The following IL1RAPL2 variants were observed in gnomAD, a reference collection of about 807,000 sequenced individuals.
IL1RAPL2 encodes interleukin 1 receptor accessory protein like 2.
Under a neutral mutation model 44.1 loss-of-function variants are expected in IL1RAPL2, and 3 were observed. The ratio of observed to expected loss-of-function variants is 0.07; its 90% CI spans 0.03 to 0.18. The LOEUF is 0.18. IL1RAPL2 is among the 10% of genes least tolerant of loss of function. The probability of loss-of-function intolerance (pLI) is 1.00; values close to 1 mark genes in which losing one functional copy is unlikely to be tolerated. For missense variants in IL1RAPL2, 391 were observed against 496.4 expected (o/e 0.79, Z 2.02); for synonymous variants, 181 against 178.8 (o/e 1.01, Z -0.10).
intron 1 of IL1RAPL2, among the ~76,000 whole-genome samples, chrX:104,621,248 A>G (rs192361920): frequency 9.3e-6 from 1 of 107,370 alleles, no homozygotes; most frequent in Non-Finnish European, 1.9e-5. Flanking sequence ...AGTTATATAT[A>G]TATATAATAT....
intron 4 of IL1RAPL2, among the ~76,000 whole-genome samples, chrX:105,234,757 G>A (rs1450131113): frequency 2.8e-5 from 3 of 106,770 alleles, no homozygotes; most frequent in Admixed American, 1.0e-4. Flanking sequence ...GCAGTGAGCC[G>A]AGATCATGTC....
chrX:105,678,059 A>C (rs2037888169), intron 6 of IL1RAPL2, among the ~76,000 whole-genome samples: 1 of 112,015 alleles, frequency 8.9e-6, no homozygotes, highest in South Asian at 3.7e-4. Flanking sequence ...TCCTGTGCCT[A>C]GTAACTAAAA....
intron 5 of IL1RAPL2, among the ~76,000 whole-genome samples, chrX:105,284,979 A>T (rs1305823257): frequency 1.8e-5 from 2 of 111,749 alleles, no homozygotes; most frequent in East Asian, 5.6e-4. Context: ...GCCACAAAAG[A>T]GCTATGATTT....
At chrX:105,126,086 C>G (rs1393838855) in intron 2 of IL1RAPL2, among the ~76,000 whole-genome samples, 1 of 110,836 alleles carries the variant, frequency 9.0e-6, no homozygotes, top group African/African-American at 3.3e-5. Context: ...TAGTCTATCT[C>G]ATTGCTGAGA....
At chrX:105,161,218 A>AAATAATAATAATAATAATAAT (rs34426902) in intron 2 of IL1RAPL2, among the ~76,000 whole-genome samples, 35 of 101,028 alleles carry the variant, frequency 3.5e-4, no homozygotes, top group African/African-American at 1.2e-3. Context: ...ACCCTGTCTC[A>AAATAATAATAATAATAATAAT]AATAATAATA....
intron 4 of IL1RAPL2, among the ~76,000 whole-genome samples, chrX:105,255,220 G>A (rs1279200784): frequency 9.0e-6 from 1 of 111,196 alleles, no homozygotes; most frequent in East Asian, 2.8e-4. Context: ...ATTTATTTGA[G>A]GAGTGTTTTG....
chrX:105,064,841 G>T (rs142242403), intron 2 of IL1RAPL2, among the ~76,000 whole-genome samples: 13 of 111,318 alleles, frequency 1.2e-4, no homozygotes, highest in African/African-American at 4.2e-4. Flanking sequence ...GAAGGTGGAA[G>T]GGGAGGCAGG....
intron 2 of IL1RAPL2, among the ~76,000 whole-genome samples, chrX:104,971,486 T>C (rs756563121): frequency 2.6e-4 from 29 of 111,969 alleles, no homozygotes; most frequent in African/African-American, 7.8e-4. Flanking sequence ...AGCTTGCTTA[T>C]AGATCTTTTG....
intron 2 of IL1RAPL2, among the ~76,000 whole-genome samples, chrX:105,168,690 A>G (rs1023150653): frequency 9.1e-6 from 1 of 110,420 alleles, no homozygotes; most frequent in African/African-American, 3.3e-5. Context: ...AGGAAAAAAA[A>G]AGATTGTTCC....
chrX:105,331,509 G>A (rs1329506056), intron 5 of IL1RAPL2, among the ~76,000 whole-genome samples: 4 of 111,325 alleles, frequency 3.6e-5, no homozygotes, highest in Non-Finnish European at 3.8e-5. Flanking sequence ...TTTCCCAGAT[G>A]GTGAAATGAA....
At chrX:105,002,543 A>G (rs772149444) in intron 2 of IL1RAPL2, among the ~76,000 whole-genome samples, 1 of 110,990 alleles carries the variant, frequency 9.0e-6, no homozygotes, top group Non-Finnish European at 1.9e-5. Flanking sequence ...AATGTTTTAA[A>G]TCTTATAAAC....
At chrX:105,087,042 C>T (rs1030389296) in intron 2 of IL1RAPL2, among the ~76,000 whole-genome samples, 11 of 110,692 alleles carry the variant, frequency 9.9e-5, no homozygotes, top group Non-Finnish European at 2.1e-4. Flanking sequence ...AGAAAGTTGT[C>T]CAAGACAGAA....
intron 4 of IL1RAPL2, among the ~76,000 whole-genome samples, chrX:105,249,270 T>C (rs2034249000): frequency 9.0e-6 from 1 of 111,077 alleles, no homozygotes. Context: ...TATTCTCACT[T>C]ATTTGTGGGA....
chrX:104,892,853 C>A (rs1923505571), intron 2 of IL1RAPL2, among the ~76,000 whole-genome samples: 2 of 111,644 alleles, frequency 1.8e-5, no homozygotes, highest in Admixed American at 1.9e-4. Context: ...TGTGTTTGCT[C>A]TTGCTTCTCT....
intron 6 of IL1RAPL2, among the ~76,000 whole-genome samples, chrX:105,665,720 A>ATTTTTT (rs2037755850): frequency 1.3e-5 from 1 of 78,222 alleles, no homozygotes; most frequent in African/African-American, 5.0e-5. Context: ...AATAGTTTTT[A>ATTTTTT]TTTTTGTTTT....
rs147299777 is a variant in IL1RAPL2, at chrX:104,582,219, T to C, written c.-20+15168T>C. ...AGTCACACCAGCTACTATGGTTTGT[T>C]AGTGGACAGAAGTGCTTGAATTTGA... On this transcript the variant is annotated intron_variant, in intron 1 of 10. Coordinates refer to ENST00000372582, the MANE Select transcript of IL1RAPL2 (RefSeq NM_017416.2). 3.0e-3 allele frequency among the ~76,000 whole-genome samples: 331 copies of C among 111,931 alleles called. 3 individuals carry two copies. The highest frequency in any genetic ancestry group is 0.01 in the African/African-American group (323 of 30,863).
At chrX:104,698,029 G>C (rs1921597633) in intron 2 of IL1RAPL2, among the ~76,000 whole-genome samples, 1 of 111,962 alleles carries the variant, frequency 8.9e-6, no homozygotes, top group Non-Finnish European at 1.9e-5. Flanking sequence ...TTGCATGATG[G>C]TTGGCAGGAT....
chrX:105,056,950 T>G (rs907182959), intron 2 of IL1RAPL2, among the ~76,000 whole-genome samples: 2 of 129 alleles, frequency 0.016, no homozygotes, highest in African/African-American at 0.043. Context: ...GTCCTAGACA[T>G]TATAATTTTT....
chrX:105,597,821 G>C (rs2037222840), intron 6 of IL1RAPL2, among the ~76,000 whole-genome samples: 1 of 111,820 alleles, frequency 8.9e-6, no homozygotes, highest in Non-Finnish European at 1.9e-5. Flanking sequence ...GTTGGTGAGG[G>C]TGTGGAGAAA....
Sources: gnomAD v4.1 joint callset for allele counts (sites outside exome capture counted in the v4.1 genomes callset) on GRCh38, gnomAD v4.1.1 for gene constraint, MANE v1.5 for transcripts, NCBI Gene and HGNC (gene_info 2026-07-23, HGNC 2026-07-21) for gene names.